The following TOX variants were observed in gnomAD, a reference collection of about 807,000 sequenced individuals.
TOX encodes thymocyte selection associated high mobility group box, also known as thymocyte selection-associated high mobility group box protein TOX.
In TOX, 11 loss-of-function variants were observed where a neutral mutation model predicts 53.7. The ratio of observed to expected loss-of-function variants is 0.20; its 90% CI spans 0.13 to 0.34. The LOEUF (loss-of-function observed/expected upper bound fraction) is 0.34. TOX is among the 10% of genes least tolerant of loss of function. The pLI is 1.00. For missense variants in TOX, 570 were observed against 664.6 expected, an observed-to-expected ratio of 0.86 and a Z score of 1.56; for synonymous variants, 225 against 245.3, an observed-to-expected ratio of 0.92 and a Z score of 0.77.
rs768072284 is a variant in TOX, at chr8:58,865,827, C to CTTTT, written c.412-14026_412-14023dup. Among the ~76,000 whole-genome samples, 25 of 91,334 alleles carry CTTTT rather than the reference C, an allele frequency of 2.7e-4. 3 individuals are homozygous for CTTTT. The highest frequency in any genetic ancestry group is 4.1e-4 in the South Asian group (1 of 2,416). The allele number at this position is 91,334 out of a possible 152,430, so 59.9% of individuals were successfully genotyped here. A position where few individuals can be genotyped will look rare whatever the true frequency, so the allele number is the denominator to read the frequency against. On this transcript the variant is annotated intron_variant, in intron 3 of 8. Transcript: ENST00000361421. ...TTCTTAATTATGGTAATGACAGTGG[C>CTTTT]TTTTTTTTTTTTTTTTTTTTGTCCT...
chr8:59,095,259 G>A (rs550649640), intron 1 of TOX, among the ~76,000 whole-genome samples: 5 of 151,344 alleles, frequency 3.3e-5, no homozygotes, highest in African/African-American at 9.7e-5. Context: ...TTTTTCCATA[G>A]GAATTTCAGA....
At position 58,805,614 on chromosome 8, in the gene TOX, A is replaced by G. The variant is rs979974213; in HGVS notation, c.*2133T>C. 3 of 152,654 alleles carry G rather than the reference A, an allele frequency of 2.0e-5. No homozygotes were observed. The highest frequency in any genetic ancestry group is 7.2e-5 in the African/African-American group (3 of 41,448). 9.5% of individuals were successfully genotyped at this position (152,654 alleles called of 1,614,324 possible). On this transcript the variant is annotated 3_prime_UTR_variant, in exon 9 of 9. Transcript: ENST00000361421. ...GCTGCTCATTCTCCTCCCAGTAATT[A>G]CCTTCTCAGTTTAGACTTAATGCAA...
chr8:59,068,204 C>T (rs998522340), intron 1 of TOX, among the ~76,000 whole-genome samples: 3 of 152,104 alleles, frequency 2.0e-5, no homozygotes, highest in Non-Finnish European at 4.4e-5. Context: ...GAAATATGCT[C>T]ATTAACTCTG....
chr8:58,851,553 G>C lies in TOX; in HGVS notation c.664C>G (p.His222Asp). Residue 222 changes from histidine to aspartate, a missense_variant, in exon 4 of 9, where the codon CAT becomes GAT. This residue lies in a region of TOX where 282 missense variants were observed against 315.0 expected (regional missense o/e 0.90). Transcript: ENST00000361421. The surrounding 1 kb of genome is among the most constrained non-coding windows in gnomAD (Gnocchi z 4.4). Reference sequence around the variant, plus strand: ...GAGGTATCATCGCCTTCATCTTCATGCACTGAACTGGATGGTGAAGGAGTT... The same window carrying C: ...GAGGTATCATCGCCTTCATCTTCATCCACTGAACTGGATGGTGAAGGAGTT... ...SATPSPSSSV[H>D]EDEGDDTSKI... 6.2e-7 allele frequency: 1 copy of C among 1,613,236 alleles called. No individual in the cohort carries two copies. The highest frequency in any genetic ancestry group is 8.5e-7 in the Non-Finnish European group (1 of 1,179,660).
intron 1 of TOX, among the ~76,000 whole-genome samples, chr8:59,092,302 T>TATATTATATATACATTA (rs1804630725): frequency 2.9e-5 from 3 of 104,614 alleles, no homozygotes; most frequent in Admixed American, 2.0e-4. Context: ...ATTATATATA[T>TATATTATATATACATTA]TATATATTAT....
chr8:59,066,060 G>A (rs774445526), intron 1 of TOX, among the ~76,000 whole-genome samples: 3 of 152,134 alleles, frequency 2.0e-5, no homozygotes, highest in Non-Finnish European at 2.9e-5. Flanking sequence ...AGGAAAAAAC[G>A]AGGAGCATTT....
intron 4 of TOX, among the ~76,000 whole-genome samples, chr8:58,847,509 A>C (rs1810737406): frequency 6.6e-6 from 1 of 152,146 alleles, no homozygotes. Context: ...AGGGGCAAGG[A>C]AGTAGAAAAT....
At chr8:58,970,935 A>C (rs1177193595) in intron 1 of TOX, among the ~76,000 whole-genome samples, 3 of 152,184 alleles carry the variant, frequency 2.0e-5, no homozygotes, top group Admixed American at 1.3e-4. Flanking sequence ...TACTGGAAAA[A>C]AGTTTCTGTA....
intron 1 of TOX, among the ~76,000 whole-genome samples, chr8:59,010,226 T>A (rs184341538): frequency 1.6e-4 from 25 of 152,304 alleles, no homozygotes; most frequent in African/African-American, 5.8e-4. Context: ...CAAAGCATAC[T>A]TAATCTTAGA....
At chr8:59,029,837 C>T (rs934423979) in intron 1 of TOX, among the ~76,000 whole-genome samples, 5 of 152,176 alleles carry the variant, frequency 3.3e-5, no homozygotes, top group Non-Finnish European at 5.9e-5. Context: ...TTTAATTTAA[C>T]CTGCTATGCA....
chr8:59,011,495 C>T (rs1044946905), intron 1 of TOX, among the ~76,000 whole-genome samples: 1 of 152,206 alleles, frequency 6.6e-6, no homozygotes, highest in Non-Finnish European at 1.5e-5. Flanking sequence ...ACATGGCAGT[C>T]TCAGTTGCAA....
intron 1 of TOX, among the ~76,000 whole-genome samples, chr8:59,104,431 T>C (rs1804859854): frequency 6.6e-6 from 1 of 152,118 alleles, no homozygotes; most frequent in Non-Finnish European, 1.5e-5. Flanking sequence ...GTTTTCTCTC[T>C]TTTGCAGCCT....
chr8:58,816,297 C>T (rs1382387701), intron 6 of TOX, among the ~76,000 whole-genome samples: 1 of 152,180 alleles, frequency 6.6e-6, no homozygotes, highest in Non-Finnish European at 1.5e-5. Flanking sequence ...AAAGTAACTG[C>T]AGAACTTATC....
At chr8:59,076,019 A>AAG (rs1804287241) in intron 1 of TOX, among the ~76,000 whole-genome samples, 3 of 143,476 alleles carry the variant, frequency 2.1e-5, no homozygotes. Context: ...AAAAAAAAAA[A>AAG]GGGGGTCAGG....
At chr8:58,924,860 C>A (rs1469572880) in intron 3 of TOX, among the ~76,000 whole-genome samples, 1 of 152,182 alleles carries the variant, frequency 6.6e-6, no homozygotes, top group Non-Finnish European at 1.5e-5. Context: ...ATAGTCATTT[C>A]TTTTTGGCTT....
At chr8:58,957,034 A>C (rs1812721213) in intron 2 of TOX, among the ~76,000 whole-genome samples, 1 of 152,206 alleles carries the variant, frequency 6.6e-6, no homozygotes, top group African/African-American at 2.4e-5. Context: ...ATCAAACATG[A>C]CAAGTTCAGA....
chr8:58,884,267 C>T (rs990230454), intron 3 of TOX, among the ~76,000 whole-genome samples: 1 of 152,120 alleles, frequency 6.6e-6, no homozygotes, highest in Non-Finnish European at 1.5e-5. Context: ...GGATGAAGCA[C>T]AGCATATACT....
At chr8:59,088,359 T>C (rs1804550227) in intron 1 of TOX, among the ~76,000 whole-genome samples, 1 of 152,222 alleles carries the variant, frequency 6.6e-6, no homozygotes, top group Non-Finnish European at 1.5e-5. Flanking sequence ...AAATTCATCA[T>C]AGGAATTTAT....
At position 58,920,749 on chromosome 8, in the gene TOX, G is replaced by GAA. The variant is rs67652722; in HGVS notation, c.411+18551_411+18552dup. Among the ~76,000 whole-genome samples the GAA allele has an allele frequency of 1.7e-3, 184 of 110,830 alleles. 3 individuals are homozygous for GAA. The highest frequency in any genetic ancestry group is 4.5e-3 in the African/African-American group (135 of 29,864). The allele number at this position is 110,830 out of a possible 152,430, so 72.7% of individuals were successfully genotyped here. A position where few individuals can be genotyped will look rare whatever the true frequency, so the allele number is the denominator to read the frequency against. On this transcript the variant is annotated intron_variant, in intron 3 of 8. Transcript: ENST00000361421. Reference sequence around the variant, plus strand: ...AAAAAAAAAAAAAGAAAAAAAAGAAGAAAAAAAAAAAAGAATCTCTGATCT... The same window carrying GAA: ...AAAAAAAAAAAAAGAAAAAAAAGAAGAAAAAAAAAAAAAAGAATCTCTGATCT...
Sources: gnomAD v4.1 joint callset for allele counts (sites outside exome capture counted in the v4.1 genomes callset) on GRCh38, gnomAD v4.1.1 for gene constraint, gnomAD v4.1.1 regional missense constraint, Gnocchi (gnomAD v3.1) non-coding constraint, MANE v1.5 for transcripts, NCBI Gene and HGNC (gene_info 2026-07-23, HGNC 2026-07-21) for gene names.